LRP8: variants seen among roughly 807,000 people sequenced by gnomAD.
The protein encoded by LRP8 is LDL receptor related protein 8.
Under a neutral mutation model 111.6 loss-of-function variants are expected in LRP8, and 46 were observed. The ratio of observed to expected loss-of-function variants is 0.41; its 90% CI spans 0.33 to 0.53. The LOEUF is 0.53. Ranked by LOEUF, LRP8 falls within the 20% of genes least tolerant of loss-of-function variation. LRP8 has a pLI of 0.20. For missense variants in LRP8, 959 were observed against 1,297.4 expected, an observed-to-expected ratio of 0.74 and a Z score of 4.01; for synonymous variants, 464 against 511.2, an observed-to-expected ratio of 0.91 and a Z score of 1.24.
intron 2 of LRP8, among the ~76,000 whole-genome samples, chr1:53,314,121 C>T (rs1490697867): frequency 2.0e-5 from 3 of 152,224 alleles, no homozygotes; most frequent in Admixed American, 6.5e-5. Context: ...TGCCTGCACT[C>T]CGGCCTAGTC....
intron 5 of LRP8, among the ~76,000 whole-genome samples, chr1:53,276,140 G>A (rs1646909429): frequency 6.6e-6 from 1 of 152,174 alleles, no homozygotes; most frequent in South Asian, 2.1e-4. Flanking sequence ...TGCTGTGCTG[G>A]GAGAGGTGGA....
Position 53,250,675 on chromosome 1 carries a change from G to C in LRP8, c.2676+15C>G. On this transcript the variant is annotated intron_variant, in intron 17 of 18. Transcript: ENST00000306052. The surrounding 1 kb of genome is among the most constrained non-coding windows in gnomAD (Gnocchi z 4.6). The stretch of plus-strand genomic sequence containing the variant: ...TGGTCGGAAGGTAGGAATTCTCCCA[G>C]TGAGAAATACTTACTGCAGGATAGA... The C allele has an allele frequency of 6.2e-7, 1 of 1,609,950 alleles. No homozygotes were observed. The highest frequency in any genetic ancestry group is 8.5e-7 in the Non-Finnish European group (1 of 1,176,962).
rs1646551264 is a variant in LRP8 at position 53,266,231 on chromosome 1, C to T, written c.1427+242G>A. Among the ~76,000 whole-genome samples, 1 of 152,168 alleles carries T rather than the reference C, an allele frequency of 6.6e-6. No individual in the cohort carries two copies. Among genetic ancestry groups the T allele is most frequent in the Non-Finnish European group, 1.5e-5 (1 of 68,036 alleles). ...GTCTTGTGCTTCCATATTAGGCCTC[C>T]AGAGGTCAGACAAATCCCAGGTGTT... On this transcript the variant is annotated intron_variant, in intron 9 of 18. Transcript: ENST00000306052. This position sits in a 1 kb window ranked among gnomAD's most constrained non-coding sequence, Gnocchi z 5.0.
chr1:53,273,518 C>T (rs1646823424), intron 6 of LRP8, among the ~76,000 whole-genome samples: 2 of 152,204 alleles, frequency 1.3e-5, no homozygotes, highest in Non-Finnish European at 2.9e-5. Context: ...TGTACGTACT[C>T]CTCTTTGGTG....
chr1:53,289,536 AC>A, intron 3 of LRP8, 30 bp downstream of exon 3: 1 of 1,570,474 alleles, frequency 6.4e-7, no homozygotes, highest in Non-Finnish European at 8.7e-7. Flanking sequence ...ACTGAGGCCC[AC>A]CCCCACCCAG....
At chr1:53,273,175 T>A (rs1177047870) in intron 6 of LRP8, among the ~76,000 whole-genome samples, 2 of 152,064 alleles carry the variant, frequency 1.3e-5, no homozygotes, top group African/African-American at 4.8e-5. Flanking sequence ...GTGATTCCGC[T>A]GGGGAGCCAG....
In LRP8 at chr1:53,271,025, T is replaced by C. The variant is rs1263651552; in HGVS notation, c.1252+3A>G. ...TGCCCCTCTGCCCTTGGGGTGTTCA[T>C]ACCAGCAGCCTTGCAGTTCTTGGTC... is the stretch of plus-strand genomic sequence containing the variant. On this transcript the variant is annotated splice_donor_region_variant and intron_variant, in intron 8 of 18. Transcript: ENST00000306052. 1 of 1,613,876 alleles carries C rather than the reference T, an allele frequency of 6.2e-7. No individual in the cohort carries two copies. The highest frequency in any genetic ancestry group is 1.3e-5 in the African/African-American group (1 of 74,850).
chr1:53,304,128 G>GAGGC (rs1326599012), intron 2 of LRP8, among the ~76,000 whole-genome samples: 1 of 152,200 alleles, frequency 6.6e-6, no homozygotes, highest in Non-Finnish European at 1.5e-5. Flanking sequence ...TAATACCGAG[G>GAGGC]AGGCAGCAGT....
At chr1:53,265,208 C>G (rs1646505827) in intron 9 of LRP8, among the ~76,000 whole-genome samples, 1 of 152,186 alleles carries the variant, frequency 6.6e-6, no homozygotes, top group Non-Finnish European at 1.5e-5. Context: ...GCTGTTTCCC[C>G]AGAGGTTTTC....
In LRP8 at chr1:53,275,571, A is replaced by G. The variant is rs1182576838; in HGVS notation, c.1006+60T>C. 19 of 1,596,734 alleles carry G rather than the reference A, an allele frequency of 1.2e-5. No homozygotes were observed. The highest frequency in any genetic ancestry group is 1.6e-5 in the Non-Finnish European group (19 of 1,167,976). On this transcript the variant is annotated intron_variant, in intron 6 of 18. Transcript: ENST00000306052. This position sits in a 1 kb window ranked among gnomAD's most constrained non-coding sequence, Gnocchi z 4.4. The stretch of plus-strand genomic sequence containing the variant: ...CTCCTCCCAACTCTGCCCTCTGGAG[A>G]GTTACCAGAGCCTAGGGCATCCTCA...
In LRP8 at chr1:53,275,652, C is replaced by T. The variant is rs1646894166; in HGVS notation, c.985G>A (p.Asp329Asn). Residue 329 changes from aspartate (D) to asparagine (N), a missense_variant, in exon 6 of 19, where the codon GAT (aspartate) becomes AAT (asparagine). By Grantham distance (23) the Asp-to-Asn change is conservative. This residue lies in a region of LRP8 where 819 missense variants were observed against 1,097.6 expected (regional missense o/e 0.75). Transcript: ENST00000306052. The surrounding 1 kb of genome is among the most constrained non-coding windows in gnomAD (Gnocchi z 4.4). ...NQEQDCPDGS[D>N]EAGCLQGLNE... ...GCACCCTGTAGGCAGCCAGCTTCAT[C>T]ACTCCCATCTGGACAGTCCTGCTCC... 1.9e-6 allele frequency: 3 copies of T among 1,614,056 alleles called. No homozygotes were observed. Among genetic ancestry groups the T allele is most frequent in the African/African-American group, 1.3e-5 (1 of 75,036 alleles).
rs953281023 is a variant in LRP8 at position 53,250,353 on chromosome 1, C to G, written c.2676+337G>C. Among the ~76,000 whole-genome samples, 6 of 152,184 alleles carry G rather than the reference C, an allele frequency of 3.9e-5. No individual in the cohort carries two copies. The highest frequency in any genetic ancestry group is 7.3e-5 in the Non-Finnish European group (5 of 68,038). On this transcript the variant is annotated intron_variant, in intron 17 of 18. Coordinates refer to ENST00000306052, the MANE Select transcript of LRP8 (RefSeq NM_004631.5). The surrounding 1 kb of genome is among the most constrained non-coding windows in gnomAD (Gnocchi z 4.6). The stretch of plus-strand genomic sequence containing the variant: ...CTTTTTTTACTGCCAGGAAGAGCCT[C>G]TAGGTACAAGGTGGTCCTGATACCT...
At chr1:53,270,341 A>G (rs1646721324) in intron 8 of LRP8, among the ~76,000 whole-genome samples, 1 of 152,196 alleles carries the variant, frequency 6.6e-6, no homozygotes, top group Admixed American at 6.5e-5. Flanking sequence ...CAGTTCTCCC[A>G]TCAGAATGTA....
At chr1:53,265,485 C>T (rs1008301440) in intron 9 of LRP8, among the ~76,000 whole-genome samples, 1 of 152,188 alleles carries the variant, frequency 6.6e-6, no homozygotes, top group African/African-American at 2.4e-5. Flanking sequence ...ATTCATGAAA[C>T]CTCCCAAGCC....
Position 53,266,656 on chromosome 1 carries a change from C to G in LRP8, c.1253-9G>C. On this transcript the variant is annotated splice_polypyrimidine_tract_variant and intron_variant, in intron 8 of 18. Coordinates refer to ENST00000306052, the MANE Select transcript of LRP8 (RefSeq NM_004631.5). This position sits in a 1 kb window ranked among gnomAD's most constrained non-coding sequence, Gnocchi z 5.0. ...GGATGGGCTCTTGCCAGCTGTCATG[C>G]AGGGAGGTTGAAAGAGAAAGAGTCA... 1.9e-6 allele frequency: 3 copies of G among 1,613,480 alleles called. 1 individual carries two copies. Among genetic ancestry groups the G allele is most frequent in the South Asian group, 2.2e-5 (2 of 91,026 alleles).
At position 53,294,069 on chromosome 1, in the gene LRP8, C is replaced by A. The variant is rs1649249247; in HGVS notation, c.245-4380G>T. ...GGCTGTCAGAGAAAGCCATGCCAGA[C>A]CCCTACTCTGCTGGCCTTGGCTCTG... is the stretch of plus-strand genomic sequence containing the variant. On this transcript the variant is annotated intron_variant, in intron 2 of 18. Coordinates refer to ENST00000306052, the MANE Select transcript of LRP8 (RefSeq NM_004631.5). The surrounding 1 kb of genome is among the most constrained non-coding windows in gnomAD (Gnocchi z 4.1). 6.6e-6 allele frequency among the ~76,000 whole-genome samples: 1 copy of A among 152,236 alleles called. No individual in the cohort carries two copies. The highest frequency in any genetic ancestry group is 1.5e-5 in the Non-Finnish European group (1 of 68,040).
chr1:53,326,976 G>A lies in LRP8; in HGVS notation c.141C>T (p.Cys47=). 2 of 1,613,434 alleles carry A rather than the reference G, an allele frequency of 1.2e-6. No individual in the cohort carries two copies. The highest frequency in any genetic ancestry group is 4.5e-5 in the East Asian group (2 of 44,876). Reference sequence around the variant, plus strand: ...TCCGGCACTGGAATTGGTCCTTTTCGCAATCCTTGGCCGGCCCTGCGAGGG... The same window carrying A: ...TCCGGCACTGGAATTGGTCCTTTTCACAATCCTTGGCCGGCCCTGCGAGGG... ...LLGGQGPAKD[C]EKDQFQCRNE... is the part of the protein sequence containing the mutation. The change falls in exon 2 of 19, where the codon TGC becomes TGT. Residue 47 remains cysteine, a synonymous_variant. Transcript: ENST00000306052.
At chr1:53,257,953 AGTGTTT>A (rs1384460665) in intron 14 of LRP8, 1 of 214,202 alleles carries the variant, frequency 4.7e-6, no homozygotes, top group African/African-American at 2.3e-5. Context: ...GCTGCTGTGT[AGTGTTT>A]GTTAAGTTCT....
rs564098374 is a variant in LRP8 at position 53,302,434 on chromosome 1, C to T, written c.245-12745G>A. Among the ~76,000 whole-genome samples, 315 of 152,172 alleles carry T rather than the reference C, an allele frequency of 2.1e-3. 2 individuals are homozygous for T. The highest frequency in any genetic ancestry group is 6.8e-3 in the African/African-American group (281 of 41,536). On this transcript the variant is annotated intron_variant, in intron 2 of 18. Coordinates refer to ENST00000306052, the MANE Select transcript of LRP8 (RefSeq NM_004631.5). ...ATGTGGGCTTGGAGACCACCAAGGT[C>T]GGTGTCCTTGTTTTACAGCCGGGGC... is the stretch of plus-strand genomic sequence containing the variant.
Sources: gnomAD v4.1 joint callset for allele counts (sites outside exome capture counted in the v4.1 genomes callset) on GRCh38, gnomAD v4.1.1 for gene constraint, gnomAD v4.1.1 regional missense constraint, Gnocchi (gnomAD v3.1) non-coding constraint, MANE v1.5 for transcripts, NCBI Gene and HGNC (gene_info 2026-07-23, HGNC 2026-07-21) for gene names.